Variants in MPHOSPH6 observed in about 807,000 individuals in gnomAD.
MPHOSPH6 encodes the protein M-phase phosphoprotein 6.
A neutral mutation model predicts 21.8 loss-of-function variants in MPHOSPH6; 25 were observed. That is an observed-to-expected ratio of 1.15 (90% CI 0.83 to 1.60). The LOEUF is 1.60. Among genes scored for constraint, MPHOSPH6 ranks in the 40% most tolerant of loss-of-function variants. MPHOSPH6 has a pLI of 0.00. For synonymous variants in MPHOSPH6, 84 were observed against 56.5 expected (o/e 1.49, Z -2.18); for missense variants, 269 against 181.8 (o/e 1.48, Z -2.76).
In MPHOSPH6 at chr16:82,165,144, T is replaced by TTTTTTTTTTTG. The variant is rs1555540871; in HGVS notation, c.52-951_52-950insCAAAAAAAAAA. On this transcript the variant is annotated intron_variant, in intron 1 of 4. Coordinates refer to ENST00000258169, the MANE Select transcript of MPHOSPH6 (RefSeq NM_005792.2). ...TTATTTTTTTTTTTATTTTTTTTTT[T>TTTTTTTTTTTG]TGAGACAGAGTCTCACTCTGTCGCC... Among the ~76,000 whole-genome samples the TTTTTTTTTTTG allele has an allele frequency of 1.3e-4, 14 of 108,684 alleles. 1 individual carries two copies. Among genetic ancestry groups the TTTTTTTTTTTG allele is most frequent in the Non-Finnish European group, 2.1e-4 (11 of 53,538 alleles). The allele number at this position is 108,684 out of a possible 152,430, so 71.3% of individuals were successfully genotyped here.
At chr16:82,151,134 T>C (rs16956555) in intron 3 of MPHOSPH6, 1 of 218,668 alleles carries the variant, frequency 4.6e-6, no homozygotes, top group Non-Finnish European at 9.0e-6. Context: ...TAGCATGATA[T>C]GAATAAAATC....
At chr16:82,164,487 G>C (rs1306301952) in intron 1 of MPHOSPH6, among the ~76,000 whole-genome samples, 1 of 152,214 alleles carries the variant, frequency 6.6e-6, no homozygotes, top group Non-Finnish European at 1.5e-5. Context: ...GAGCCCACTG[G>C]CTTTGGCACC....
intron 1 of MPHOSPH6, chr16:82,164,518 G>A (rs1386248129): frequency 1.3e-5 from 3 of 233,074 alleles, no homozygotes; most frequent in African/African-American, 6.9e-5. Context: ...GGGTTGAAAT[G>A]CCCTTCTTAT....
intron 2 of MPHOSPH6, among the ~76,000 whole-genome samples, chr16:82,160,973 A>AAGG (rs10657461): frequency 0.087 from 13,231 of 151,746 alleles, 1,194 homozygotes; most frequent in African/African-American, 0.23. Context: ...CTTATCTCAG[A>AAGG]AGAAGGGACA....
chr16:82,152,708 G>C (rs779013153), intron 2 of MPHOSPH6, among the ~76,000 whole-genome samples: 28 of 152,292 alleles, frequency 1.8e-4, no homozygotes, highest in Admixed American at 1.8e-3. Flanking sequence ...ATTGGGGCAG[G>C]TTGCGTTCCC....
At chr16:82,165,536 G>A (rs185029292) in intron 1 of MPHOSPH6, among the ~76,000 whole-genome samples, 77 of 152,224 alleles carry the variant, frequency 5.1e-4, no homozygotes, top group Admixed American at 9.8e-4. Context: ...TAACGTTCAC[G>A]AATAAAATAG....
chr16:82,166,118 A>G (rs62045961), intron 1 of MPHOSPH6, among the ~76,000 whole-genome samples: 99,174 of 152,172 alleles, frequency 0.65, 34,435 homozygotes, highest in East Asian at 0.78. Context: ...GCTCTTTATC[A>G]TATCCTAGTG....
At chr16:82,151,584 T>A (rs997954627) in intron 2 of MPHOSPH6, 70 bp from the exon 3 acceptor site, 15 of 1,468,966 alleles carry the variant, frequency 1.0e-5, no homozygotes, top group Middle Eastern at 5.2e-4. Flanking sequence ...ACACTTTGAA[T>A]AAAAAAAATA....
chr16:82,155,904 C>CAA (rs529834500), intron 2 of MPHOSPH6, among the ~76,000 whole-genome samples: 6 of 101,804 alleles, frequency 5.9e-5, no homozygotes, highest in Admixed American at 3.1e-4. Context: ...CACTCTGTCT[C>CAA]AAAAAAAAAA....
At chr16:82,161,237 A>G (rs7196909) in intron 2 of MPHOSPH6, among the ~76,000 whole-genome samples, 13,303 of 152,122 alleles carry the variant, frequency 0.087, 1,207 homozygotes, top group African/African-American at 0.23. Context: ...GACCCCAACT[A>G]ATGAACTTCA....
intron 1 of MPHOSPH6, among the ~76,000 whole-genome samples, chr16:82,166,525 G>C (rs1906785921): frequency 6.6e-6 from 1 of 152,162 alleles, no homozygotes; most frequent in Non-Finnish European, 1.5e-5. Context: ...ATCAACACTG[G>C]AATATTGTTC....
At chr16:82,161,072 C>A (rs1342796096) in intron 2 of MPHOSPH6, among the ~76,000 whole-genome samples, 2 of 152,228 alleles carry the variant, frequency 1.3e-5, no homozygotes, top group African/African-American at 4.8e-5. Flanking sequence ...TATTTCTTCA[C>A]AACTTTCCAC....
rs191266926 is a variant in MPHOSPH6, at chr16:82,164,557, G to A, written c.52-363C>T. 343 of 186,452 alleles carry A rather than the reference G, an allele frequency of 1.8e-3. 2 individuals carry two copies. The highest frequency in any genetic ancestry group is 0.013 in the South Asian group (105 of 7,786). 11.5% of individuals were successfully genotyped at this position (186,452 alleles called of 1,614,324 possible). ...CTTCCACCTGGCCAACTCCTCGCCC[G>A]TCTGACATAGGTAAAGCTACTAGAC... is the stretch of plus-strand genomic sequence containing the variant. On this transcript the variant is annotated intron_variant, in intron 1 of 4. Transcript: ENST00000258169.
rs1207938286 is a variant in MPHOSPH6 at position 82,170,208 on chromosome 16, C to T, written c.-33G>A. On this transcript the variant is annotated 5_prime_UTR_variant, in exon 1 of 5. Transcript: ENST00000258169. The stretch of plus-strand genomic sequence containing the variant: ...TCCGCCCAGCGCCGCACTCCGGCCG[C>T]GAGCCTCACCGCACATGCGCGGAGC... 1.9e-6 allele frequency: 3 copies of T among 1,553,114 alleles called. No individual in the cohort carries two copies. The highest frequency in any genetic ancestry group is 1.4e-5 in the African/African-American group (1 of 71,450).
chr16:82,149,471 A>T, intron 3 of MPHOSPH6, 68 bp from the exon 4 acceptor site: 1 of 1,343,784 alleles, frequency 7.4e-7, no homozygotes, highest in Non-Finnish European at 1.1e-6. Flanking sequence ...TGTCAAACTT[A>T]CCTGAAGGCA....
At chr16:82,161,339 C>G (rs1597163610) in intron 2 of MPHOSPH6, among the ~76,000 whole-genome samples, 2 of 152,164 alleles carry the variant, frequency 1.3e-5, no homozygotes, top group Admixed American at 1.3e-4. Context: ...GTGTGGCAGG[C>G]TAACTTGTTA....
At chr16:82,150,771 G>A (rs1044165306) in intron 3 of MPHOSPH6, among the ~76,000 whole-genome samples, 1 of 152,224 alleles carries the variant, frequency 6.6e-6, no homozygotes, top group African/African-American at 2.4e-5. Flanking sequence ...CCAAGGGCAA[G>A]AAACACTGGC....
chr16:82,163,010 A>G (rs922576373), intron 2 of MPHOSPH6, among the ~76,000 whole-genome samples: 4 of 152,172 alleles, frequency 2.6e-5, no homozygotes, highest in African/African-American at 9.7e-5. Context: ...CCCTGGCACT[A>G]TCTTCTCCCT....
intron 4 of MPHOSPH6, among the ~76,000 whole-genome samples, 200 bp from the exon 5 acceptor site, chr16:82,149,063 C>G: frequency 6.6e-6 from 1 of 152,144 alleles, no homozygotes; most frequent in East Asian, 1.9e-4. Context: ...TTTGCATTAC[C>G]CTAAATAAAT....
Sources: gnomAD v4.1 joint callset for allele counts (sites outside exome capture counted in the v4.1 genomes callset) on GRCh38, gnomAD v4.1.1 for gene constraint, MANE v1.5 for transcripts, NCBI Gene and HGNC (gene_info 2026-07-23, HGNC 2026-07-21) for gene names.